ATCAY: variants seen among roughly 807,000 people sequenced by gnomAD.
ATCAY encodes the protein ATCAY kinesin light chain interacting caytaxin.
ATCAY carries 22 observed loss-of-function variants against 47.7 expected under a neutral mutation model. The ratio of observed to expected loss-of-function variants is 0.46; its 90% confidence interval spans 0.33 to 0.66. The LOEUF (loss-of-function observed/expected upper bound fraction) is 0.66. ATCAY is among the 30% of genes least tolerant of loss of function. The pLI, the probability that ATCAY is intolerant of heterozygous loss-of-function variation, is 0.02. For missense variants in ATCAY, 452 were observed against 515.0 expected (o/e 0.88, Z 1.18); for synonymous variants, 216 against 207.6 (o/e 1.04, Z -0.35).
intron 4 of ATCAY, among the ~76,000 whole-genome samples, chr19:3,906,168 C>T (rs1474559678): frequency 1.7e-5 from 2 of 118,798 alleles, no homozygotes; most frequent in African/African-American, 3.2e-5. Context: ...GAGACTCCGT[C>T]TCAAAAAAAA....
At chr19:3,886,546 C>T (rs991352594) in intron 2 of ATCAY, among the ~76,000 whole-genome samples, 5 of 148,198 alleles carry the variant, frequency 3.4e-5, no homozygotes, top group African/African-American at 5.0e-5. Flanking sequence ...GCCGAGATCG[C>T]GCCACTGCAC....
intron 10 of ATCAY, 54 bp downstream of exon 10, chr19:3,917,831 C>A: frequency 6.3e-7 from 1 of 1,587,998 alleles, no homozygotes; most frequent in South Asian, 1.1e-5. Context: ...GGGGGCTGAG[C>A]TGAACTCTCA....
chr19:3,912,399 C>T (rs901811755), intron 8 of ATCAY, among the ~76,000 whole-genome samples: 1 of 151,872 alleles, frequency 6.6e-6, no homozygotes, highest in South Asian at 2.1e-4. Flanking sequence ...CTGCAAGCTC[C>T]GCCTCCCGGG....
At chr19:3,895,007 A>C in intron 2 of ATCAY, 4 of 359,868 alleles carry the variant, frequency 1.1e-5, no homozygotes, top group South Asian at 2.0e-5. Flanking sequence ...TGACCACCCC[A>C]CAGATTTTTT....
chr19:3,903,661 C>A (rs1036971992), intron 3 of ATCAY, among the ~76,000 whole-genome samples: 2 of 151,922 alleles, frequency 1.3e-5, no homozygotes, highest in East Asian at 3.9e-4. Flanking sequence ...GTAGCTGGGA[C>A]TACAGGTACA....
Position 3,922,344 on chromosome 19 carries a change from T to C in ATCAY, c.1106+1546T>C. 4.8e-6 allele frequency: 3 copies of C among 629,350 alleles called. No individual in the cohort carries two copies. In the South Asian group the frequency reaches 5.5e-5, roughly 12 times the overall value. 39.0% of individuals were successfully genotyped at this position (629,350 alleles called of 1,614,324 possible). ...ATGGCTGGGGAGGCCCCGGGAAATTTATAATCCTGGCGGAAGCCACCTCTT... is the reference window on the plus strand; with the variant it reads ...ATGGCTGGGGAGGCCCCGGGAAATTCATAATCCTGGCGGAAGCCACCTCTT... On this transcript the variant is annotated intron_variant, in intron 12 of 12. Coordinates refer to ENST00000450849, the MANE Select transcript of ATCAY (RefSeq NM_033064.5).
In ATCAY at chr19:3,907,974, CAG is replaced by C. The variant is rs2038879757; in HGVS notation, c.544+56_544+57del. 6 of 1,574,170 alleles carry C rather than the reference CAG, an allele frequency of 3.8e-6. No individual in the cohort carries two copies. The highest frequency in any genetic ancestry group is 3.3e-4 in the Middle Eastern group (2 of 6,022). On this transcript the variant is annotated intron_variant, in intron 5 of 12. Coordinates refer to ENST00000450849, the MANE Select transcript of ATCAY (RefSeq NM_033064.5). The surrounding 1 kb of genome is among the most constrained non-coding windows in gnomAD (Gnocchi z 5.1). Reference sequence around the variant, plus strand: ...GGCTCCAGCCCGGCCCACTGGGCAACAGGGGGTTCGTCAGTGCCCCTCTCTGA... The same window carrying C: ...GGCTCCAGCCCGGCCCACTGGGCAACGGGGTTCGTCAGTGCCCCTCTCTGA...
Position 3,924,807 on chromosome 19 carries a change from T to C in ATCAY, c.*215T>C. 1 of 560,374 alleles carries C rather than the reference T, an allele frequency of 1.8e-6. No individual in the cohort carries two copies. The highest frequency in any genetic ancestry group is 3.2e-6 in the Non-Finnish European group (1 of 315,718). 34.7% of individuals were successfully genotyped at this position (560,374 alleles called of 1,614,324 possible). ...TTTTAACGATGCAGTATTTGTGCGT[T>C]CCAGAAAAGGGCCCAGCTCTGAGCC... On this transcript the variant is annotated 3_prime_UTR_variant, in exon 13 of 13. Transcript: ENST00000450849.
In ATCAY at chr19:3,913,836, G is replaced by T. The variant is rs775043103; in HGVS notation, c.945G>T (p.Gln315His). 1 of 1,613,748 alleles carries T rather than the reference G, an allele frequency of 6.2e-7. No homozygotes were observed. Among genetic ancestry groups the T allele is most frequent in the Admixed American group, 1.7e-5 (1 of 59,982 alleles). ...LEQLIPMEHVQIPDCVLQYEE... is the reference protein window; with the variant it reads ...LEQLIPMEHVHIPDCVLQYEE... ...AACTCATCCCTATGGAACACGTCCA[G>T]ATCCCAGACTGCGTCCTGCAGTGAG... The change falls in exon 9 of 13, where the codon CAG becomes CAT. Residue 315 changes from glutamine to histidine, a missense_variant. Gln to His is a conservative substitution (Grantham distance 24). Coordinates refer to ENST00000450849, the MANE Select transcript of ATCAY (RefSeq NM_033064.5).
intron 2 of ATCAY, among the ~76,000 whole-genome samples, chr19:3,893,058 T>C (rs962021538): frequency 2.8e-5 from 4 of 142,644 alleles, no homozygotes; most frequent in African/African-American, 9.8e-5. Flanking sequence ...TACTGGGGTA[T>C]GTGTCTCACC....
At chr19:3,898,421 T>G (rs1323190058) in intron 2 of ATCAY, among the ~76,000 whole-genome samples, 1 of 152,156 alleles carries the variant, frequency 6.6e-6, no homozygotes, top group Non-Finnish European at 1.5e-5. Flanking sequence ...CTGGGCTCAA[T>G]GAACCCGCCC....
At chr19:3,896,638 G>A (rs143417504) in intron 2 of ATCAY, among the ~76,000 whole-genome samples, 313 of 152,296 alleles carry the variant, frequency 2.1e-3, no homozygotes, top group African/African-American at 7.2e-3. Context: ...AGCCTACGTA[G>A]AGTCTGTGTG....
chr19:3,910,731 G>A lies in ATCAY; in HGVS notation c.780-72G>A, dbSNP rs554936677. The A allele has an allele frequency of 1.3e-4, 191 of 1,499,282 alleles. No individual in the cohort carries two copies. In the African/African-American group the frequency reaches 1.8e-3, roughly 15 times the overall value. The allele number at this position is 1,499,282 out of a possible 1,614,324, so 92.9% of individuals were successfully genotyped here. A position where few individuals can be genotyped will look rare whatever the true frequency, so the allele number is the denominator to read the frequency against. The stretch of plus-strand genomic sequence containing the variant: ...ACGAATGCTTGCTTGTGGCTCTCCC[G>A]TCCCACCCAGCTCCTCCCTCCCCAG... On this transcript the variant is annotated intron_variant, in intron 7 of 12. Coordinates refer to ENST00000450849, the MANE Select transcript of ATCAY (RefSeq NM_033064.5).
intron 9 of ATCAY, among the ~76,000 whole-genome samples, chr19:3,914,108 CGCCT>C (rs2046051705): frequency 6.6e-6 from 1 of 151,408 alleles, no homozygotes; most frequent in African/African-American, 2.4e-5. Context: ...TGGTGGCGGG[CGCCT>C]GTAGTCCCAG....
rs1423952573 is a variant in ATCAY, at chr19:3,918,788, C to T, written c.1002-18C>T. 3 of 1,613,710 alleles carry T rather than the reference C, an allele frequency of 1.9e-6. No individual in the cohort carries two copies. Among genetic ancestry groups the T allele is most frequent in the African/African-American group, 2.7e-5 (2 of 74,936 alleles). On this transcript the variant is annotated intron_variant, in intron 10 of 12. Transcript: ENST00000450849. ...GCTGGGCTAGTCACCCTTGTCACCT[C>T]GTTCTCTCTGTCCACAGCGCGAGGC...
At chr19:3,882,993 C>T (rs376874014) in intron 1 of ATCAY, among the ~76,000 whole-genome samples, 10 of 151,862 alleles carry the variant, frequency 6.6e-5, no homozygotes, top group African/African-American at 2.4e-4. Flanking sequence ...CTGTGTTGCC[C>T]AGGCTGGTCT....
At chr19:3,882,136 C>T (rs2038607656) in intron 1 of ATCAY, among the ~76,000 whole-genome samples, 1 of 152,040 alleles carries the variant, frequency 6.6e-6, no homozygotes, top group South Asian at 2.1e-4. Flanking sequence ...TGCAGGTAAC[C>T]TACTCCACAG....
chr19:3,898,431 C>T (rs571238910), intron 2 of ATCAY, among the ~76,000 whole-genome samples: 24 of 152,300 alleles, frequency 1.6e-4, no homozygotes, highest in South Asian at 1.5e-3. Context: ...TGAACCCGCC[C>T]GCATCAGCCT....
At chr19:3,891,069 G>A (rs1475129135) in intron 2 of ATCAY, among the ~76,000 whole-genome samples, 2 of 112,336 alleles carry the variant, frequency 1.8e-5, no homozygotes, top group East Asian at 2.4e-4. Context: ...TTTTTTTTTT[G>A]GAGACAGAGT....
Sources: allele counts gnomAD v4.1 joint callset (sites outside exome capture counted in the v4.1 genomes callset), GRCh38; gene constraint gnomAD v4.1.1; non-coding constraint Gnocchi (gnomAD v3.1); transcripts MANE v1.5; gene names NCBI Gene and HGNC (gene_info 2026-07-23, HGNC 2026-07-21).